KCNMA1: variants seen among roughly 807,000 people sequenced by gnomAD.
KCNMA1 encodes Calcium-activated potassium channel subunit alpha-1.
KCNMA1 carries 29 observed loss-of-function variants against 140.0 expected under a neutral mutation model. The ratio of observed to expected loss-of-function variants is 0.21; its 90% CI spans 0.15 to 0.28. KCNMA1 has a LOEUF of 0.28. Among genes scored for constraint, KCNMA1 ranks in the 10% least tolerant of loss-of-function variants. KCNMA1 has a pLI of 1.00. For synonymous variants in KCNMA1, 612 were observed against 611.9 expected (o/e 1.00, Z 0.00); for missense variants, 880 against 1,602.2 (o/e 0.55, Z 7.70).
chr10:77,080,748 A>G (rs552526949), intron 12 of KCNMA1, among the ~76,000 whole-genome samples: 31 of 152,186 alleles, frequency 2.0e-4, no homozygotes, highest in Non-Finnish European at 3.2e-4. Flanking sequence ...AGAGGTTTGC[A>G]ATCTCCCACA....
intron 2 of KCNMA1, among the ~76,000 whole-genome samples, chr10:77,300,140 C>T (rs923582325): frequency 7.9e-5 from 12 of 152,208 alleles, no homozygotes; most frequent in African/African-American, 2.7e-4. Flanking sequence ...CTGTGCAGGG[C>T]ATGAGAGCCA....
rs182372244 is a variant in KCNMA1 at position 77,168,159 on chromosome 10, C to T, written c.808+15262G>A. ...ATATAGTAGTAATTAAAAGCTCAGG[C>T]GCTGAGATCACAAAGATGTGAGTTC... is the stretch of plus-strand genomic sequence containing the variant. On this transcript the variant is annotated intron_variant, in intron 5 of 27. Transcript: ENST00000286628. Among the ~76,000 whole-genome samples the T allele has an allele frequency of 2.3e-3, 345 of 152,220 alleles. 4 individuals carry two copies. Among genetic ancestry groups the T allele is most frequent in the Non-Finnish European group, 4.4e-3 (297 of 68,018 alleles).
At chr10:76,986,904 T>C (rs1023043265) in intron 19 of KCNMA1, among the ~76,000 whole-genome samples, 5 of 152,154 alleles carry the variant, frequency 3.3e-5, no homozygotes, top group African/African-American at 1.2e-4. Context: ...AACAAATGTG[T>C]TACCTTCAGA....
intron 20 of KCNMA1, among the ~76,000 whole-genome samples, chr10:76,968,542 T>C (rs2074854082): frequency 6.6e-6 from 1 of 152,224 alleles, no homozygotes; most frequent in Non-Finnish European, 1.5e-5. Context: ...GGCTTTTCTC[T>C]ACTTTAAATG....
chr10:77,181,607 A>C (rs2098803219), intron 5 of KCNMA1, among the ~76,000 whole-genome samples: 2 of 152,230 alleles, frequency 1.3e-5, no homozygotes, highest in Non-Finnish European at 2.9e-5. Context: ...CTCCCAGGTC[A>C]CAAAGCCAGT....
intron 9 of KCNMA1, among the ~76,000 whole-genome samples, chr10:77,099,832 G>A (rs370901369): frequency 3.3e-5 from 5 of 152,044 alleles, no homozygotes; most frequent in African/African-American, 1.2e-4. Flanking sequence ...TCACATCAGC[G>A]GATTCCCAAC....
intron 2 of KCNMA1, among the ~76,000 whole-genome samples, chr10:77,371,186 C>T (rs1270617586): frequency 1.3e-5 from 2 of 152,134 alleles, no homozygotes; most frequent in Non-Finnish European, 2.9e-5. Flanking sequence ...ATTTTGTTTC[C>T]CTTCTATTTG....
downstream of KCNMA1, chr10:76,877,624 C>T (rs1326679410): frequency 3.2e-6 from 3 of 935,012 alleles, no homozygotes; most frequent in Non-Finnish European, 4.8e-6. Flanking sequence ...TATTTTCTGG[C>T]AATTCTTGCT....
intron 1 of KCNMA1, among the ~76,000 whole-genome samples, chr10:77,417,215 C>T (rs2096761799): frequency 6.6e-6 from 1 of 152,230 alleles, no homozygotes; most frequent in Non-Finnish European, 1.5e-5. Flanking sequence ...CCCACATCTG[C>T]TCCCCCAATT....
At chr10:77,419,966 TG>T (rs1269952881) in intron 1 of KCNMA1, among the ~76,000 whole-genome samples, 1 of 152,212 alleles carries the variant, frequency 6.6e-6, no homozygotes, top group African/African-American at 2.4e-5. Flanking sequence ...GAGAACTTGT[TG>T]ATGCAGTTTG....
chr10:77,098,195 T>C (rs1322121431), intron 9 of KCNMA1, among the ~76,000 whole-genome samples: 1 of 152,218 alleles, frequency 6.6e-6, no homozygotes, highest in Non-Finnish European at 1.5e-5. Context: ...TCCAAGTCTT[T>C]AAATTCTGAG....
chr10:77,088,241 A>C (rs1011859422), intron 10 of KCNMA1, among the ~76,000 whole-genome samples: 1 of 152,126 alleles, frequency 6.6e-6, no homozygotes, highest in Non-Finnish European at 1.5e-5. Flanking sequence ...GATTACAGGC[A>C]TGAGCCACCA....
At chr10:77,472,053 A>T (rs1367167381) in intron 1 of KCNMA1, among the ~76,000 whole-genome samples, 1 of 150,832 alleles carries the variant, frequency 6.6e-6, no homozygotes, top group Non-Finnish European at 1.5e-5. Flanking sequence ...ACATACATGT[A>T]CCACATACAC....
At chr10:76,891,206 C>T (rs936179070) in intron 26 of KCNMA1, among the ~76,000 whole-genome samples, 13 of 152,194 alleles carry the variant, frequency 8.5e-5, no homozygotes, top group Admixed American at 8.5e-4. Context: ...GGAGAAAGCC[C>T]ACTGGCTCTG....
At chr10:76,941,018 G>GAAAGAAAGAAAGAAAGAGAAAGA (rs2061877247) in intron 23 of KCNMA1, among the ~76,000 whole-genome samples, 1 of 38,236 alleles carries the variant, frequency 2.6e-5, no homozygotes, top group African/African-American at 1.3e-4. Context: ...AGGAAGGAAG[G>GAAAGAAAGAAAGAAAGAGAAAGA]AAGAAAGAAA....
At chr10:77,616,175 A>G (rs1348618352) in intron 1 of KCNMA1, among the ~76,000 whole-genome samples, 1 of 152,212 alleles carries the variant, frequency 6.6e-6, no homozygotes, top group African/African-American at 2.4e-5. Flanking sequence ...TGCACTGTGG[A>G]TGCAAAGATG....
intron 13 of KCNMA1, among the ~76,000 whole-genome samples, chr10:77,076,292 G>A (rs1017531810): frequency 1.3e-5 from 2 of 152,118 alleles, no homozygotes; most frequent in Non-Finnish European, 2.9e-5. Context: ...TCCACTGAGA[G>A]GTAAATCATC....
chr10:77,525,778 C>T (rs915362255), intron 1 of KCNMA1, among the ~76,000 whole-genome samples: 5 of 152,232 alleles, frequency 3.3e-5, no homozygotes, highest in African/African-American at 4.8e-5. Flanking sequence ...AGATGTCACC[C>T]TCCTCCTCGT....
intron 1 of KCNMA1, among the ~76,000 whole-genome samples, chr10:77,507,850 C>A (rs1218331441): frequency 6.6e-6 from 1 of 152,226 alleles, no homozygotes; most frequent in Admixed American, 6.5e-5. Flanking sequence ...TTTGGCCCAG[C>A]AATTCTGCTT....
Sources: gnomAD v4.1 joint callset for allele counts (sites outside exome capture counted in the v4.1 genomes callset) on GRCh38, gnomAD v4.1.1 for gene constraint, MANE v1.5 for transcripts, NCBI Gene and HGNC (gene_info 2026-07-23, HGNC 2026-07-21) for gene names.